CNTN5: variants seen among roughly 807,000 people sequenced by gnomAD.
The protein encoded by CNTN5 is contactin-5.
Under a neutral mutation model 129.1 loss-of-function variants are expected in CNTN5, and 77 were observed. That is an observed-to-expected ratio of 0.60 (90% CI 0.50 to 0.72). The LOEUF (loss-of-function observed/expected upper bound fraction) is 0.72, where lower values mean the gene tolerates loss of function less well. CNTN5 is among the 30% of genes least tolerant of loss of function. The pLI, the probability that CNTN5 is intolerant of heterozygous loss-of-function variation, is 0.00. For synonymous variants in CNTN5, 509 were observed against 465.6 expected (o/e 1.09, Z -1.20); for missense variants, 1,478 against 1,328.8 (o/e 1.11, Z -1.75).
chr11:99,561,135 A>G (rs564421048), intron 3 of CNTN5, among the ~76,000 whole-genome samples: 1 of 152,252 alleles, frequency 6.6e-6, no homozygotes, highest in Non-Finnish European at 1.5e-5. Flanking sequence ...AAATCATTCT[A>G]GAGTATCCTG....
At chr11:99,164,398 C>T (rs1001356740) in intron 1 of CNTN5, among the ~76,000 whole-genome samples, 3 of 148,798 alleles carry the variant, frequency 2.0e-5, no homozygotes, top group Non-Finnish European at 3.0e-5. Context: ...ACCTAAAGAG[C>T]AATACAATAC....
intron 7 of CNTN5, among the ~76,000 whole-genome samples, chr11:99,931,430 GT>G (rs889228892): frequency 1.3e-5 from 2 of 151,860 alleles, no homozygotes; most frequent in Non-Finnish European, 2.9e-5. Context: ...AATAACCTTG[GT>G]TTTTTTTACT....
chr11:99,231,441 C>A (rs1006474611), intron 1 of CNTN5, among the ~76,000 whole-genome samples: 2 of 152,016 alleles, frequency 1.3e-5, no homozygotes, highest in African/African-American at 2.4e-5. Context: ...CCTCTATAAA[C>A]GTCTATTTTT....
chr11:99,523,892 G>A (rs1035145721), intron 2 of CNTN5, among the ~76,000 whole-genome samples: 1 of 152,116 alleles, frequency 6.6e-6, no homozygotes, highest in Non-Finnish European at 1.5e-5. Flanking sequence ...TAGGTTGGAT[G>A]TTAGATGAGT....
chr11:99,874,726 C>CAACAAATTGAATTATTTGAAGATG (rs1948589909), intron 6 of CNTN5, among the ~76,000 whole-genome samples: 1 of 152,086 alleles, frequency 6.6e-6, no homozygotes, highest in Non-Finnish European at 1.5e-5. Flanking sequence ...AGTTCCAAGT[C>CAACAAATTGAATTATTTGAAGATG]AACAAATTGA....
chr11:99,527,389 T>C (rs1160996149), intron 2 of CNTN5, among the ~76,000 whole-genome samples: 2 of 152,206 alleles, frequency 1.3e-5, no homozygotes, highest in Non-Finnish European at 2.9e-5. Context: ...ATTCCTTTTA[T>C]GCAACTGTTC....
At chr11:100,217,397 A>G (rs1949162023) in intron 15 of CNTN5, among the ~76,000 whole-genome samples, 2 of 152,228 alleles carry the variant, frequency 1.3e-5, no homozygotes, top group Non-Finnish European at 2.9e-5. Context: ...CTGTCTAGAC[A>G]AAATGACAGT....
chr11:100,022,173 CACTT>C (rs898195842), intron 9 of CNTN5, among the ~76,000 whole-genome samples: 1 of 152,176 alleles, frequency 6.6e-6, no homozygotes, highest in African/African-American at 2.4e-5. Flanking sequence ...ATCAAGTTGA[CACTT>C]AATATTAACC....
intron 3 of CNTN5, among the ~76,000 whole-genome samples, chr11:99,585,030 C>A (rs1271649417): frequency 6.6e-6 from 1 of 152,198 alleles, no homozygotes; most frequent in Non-Finnish European, 1.5e-5. Flanking sequence ...TTTCCCAATT[C>A]TTAGAGACTT....
chr11:100,042,161 A>G (rs182325379), intron 9 of CNTN5, among the ~76,000 whole-genome samples: 192 of 152,230 alleles, frequency 1.3e-3, no homozygotes, highest in African/African-American at 4.4e-3. Flanking sequence ...TTTGCCTTCA[A>G]AAGTTTTTGT....
intron 21 of CNTN5, chr11:100,336,886 C>A: frequency 1.8e-6 from 1 of 542,198 alleles, no homozygotes; most frequent in Non-Finnish European, 3.3e-6. Context: ...AAAGCTATAG[C>A]AGCAACTCAT....
chr11:99,898,526 T>G (rs543118411), intron 6 of CNTN5, among the ~76,000 whole-genome samples: 1 of 152,200 alleles, frequency 6.6e-6, no homozygotes, highest in South Asian at 2.1e-4. Context: ...ACTCAATCAC[T>G]GCTTCTTTCA....
At chr11:99,349,969 A>G (rs1938174036) in intron 2 of CNTN5, among the ~76,000 whole-genome samples, 1 of 152,152 alleles carries the variant, frequency 6.6e-6, no homozygotes, top group African/African-American at 2.4e-5. Context: ...CAGCCTACCT[A>G]TATACATAAT....
intron 3 of CNTN5, among the ~76,000 whole-genome samples, chr11:99,697,128 CAAAT>C (rs889573971): frequency 6.6e-6 from 1 of 151,796 alleles, no homozygotes; most frequent in African/African-American, 2.4e-5. Context: ...CCTACTGATA[CAAAT>C]AAATAATTGA....
rs1436779662 is a variant in CNTN5, at chr11:99,042,905, A to G, written c.-210+21635A>G. Among the ~76,000 whole-genome samples, 2 of 148,572 alleles carry G rather than the reference A, an allele frequency of 1.3e-5. 1 individual carries two copies. The highest frequency in any genetic ancestry group is 5.3e-5 in the African/African-American group (2 of 38,074). On this transcript the variant is annotated intron_variant, in intron 1 of 24. Transcript: ENST00000524871. ...GCTACTTTAACTCCTAGGGACTGCA[A>G]TCCTTCTCATACATTTACATTTTAA...
chr11:99,129,154 C>T (rs1858805278), intron 1 of CNTN5, among the ~76,000 whole-genome samples: 1 of 152,094 alleles, frequency 6.6e-6, no homozygotes, highest in Non-Finnish European at 1.5e-5. Context: ...ATAAACTTCG[C>T]TGAACTAAAG....
intron 3 of CNTN5, among the ~76,000 whole-genome samples, chr11:99,817,303 A>AC (rs1946619378): frequency 6.6e-6 from 1 of 152,242 alleles, no homozygotes; most frequent in Non-Finnish European, 1.5e-5. Context: ...GGGAATCTTT[A>AC]CTGCAACAGA....
chr11:99,807,219 T>C (rs928108897), intron 3 of CNTN5, among the ~76,000 whole-genome samples: 6 of 152,166 alleles, frequency 3.9e-5, no homozygotes, highest in Non-Finnish European at 8.8e-5. Context: ...AAAGAAAATA[T>C]TGCTCTTTTA....
At position 99,433,371 on chromosome 11, in the gene CNTN5, A is replaced by AAATGTG. The variant is rs1555143805; in HGVS notation, c.-71+107887_-71+107888insAATGTG. ...TTGTAGTTTATCTGGTAAAAAAAAA[A>AAATGTG]TGTGTGTGTGTGTGTGTGTGTGTGT... On this transcript the variant is annotated intron_variant, in intron 2 of 24. Coordinates refer to ENST00000524871, the MANE Select transcript of CNTN5 (RefSeq NM_014361.4). Among the ~76,000 whole-genome samples, 1,052 of 140,862 alleles carry AAATGTG rather than the reference A, an allele frequency of 7.5e-3. 8 individuals are homozygous for AAATGTG. The highest frequency in any genetic ancestry group is 0.012 in the African/African-American group (465 of 37,552). 92.4% of individuals were successfully genotyped at this position (140,862 alleles called of 152,430 possible).
Sources: allele counts gnomAD v4.1 joint callset (sites outside exome capture counted in the v4.1 genomes callset), GRCh38; gene constraint gnomAD v4.1.1; transcripts MANE v1.5; gene names NCBI Gene and HGNC (gene_info 2026-07-23, HGNC 2026-07-21).